C2orf78: variants seen among roughly 807,000 people sequenced by gnomAD.
C2orf78 encodes the protein uncharacterized protein C2orf78.
C2orf78 carries 12 observed loss-of-function variants against 21.4 expected under a neutral mutation model. That is an observed-to-expected ratio of 0.56 (90% CI 0.36 to 0.91). The LOEUF (loss-of-function observed/expected upper bound fraction) is 0.91. Among genes scored for constraint, C2orf78 ranks in the 40% least tolerant of loss-of-function variants. C2orf78 has a pLI of 0.01. For synonymous variants in C2orf78, 396 were observed against 413.9 expected, an observed-to-expected ratio of 0.96 and a Z score of 0.52; for missense variants, 1,042 against 1,092.4, an observed-to-expected ratio of 0.95 and a Z score of 0.65.
At chr2:73,814,136 G>A (rs1287351718) in exon 2 of C2orf78, 9 of 1,611,832 alleles carry the variant, frequency 5.6e-6, no homozygotes, top group Non-Finnish European at 8.5e-7. Context: ...GCTGAAGGAG[G>A]TTCAGCCCAC....
At chr2:73,810,565 T>A (rs1673060481) in intron 1 of C2orf78, among the ~76,000 whole-genome samples, 1 of 141,256 alleles carries the variant, frequency 7.1e-6, no homozygotes, top group Non-Finnish European at 1.5e-5. Flanking sequence ...ATAAAATATA[T>A]ATGTATATTT....
chr2:73,815,584 C>A (rs776474293), exon 3 of C2orf78: 1 of 1,613,854 alleles, frequency 6.2e-7, no homozygotes, highest in Non-Finnish European at 8.5e-7. Flanking sequence ...ACTTACCTCC[C>A]CCCGATCTTC....
intron 1 of C2orf78, among the ~76,000 whole-genome samples, chr2:73,809,992 TAAA>T (rs1464420084): frequency 6.6e-6 from 1 of 150,732 alleles, no homozygotes. Context: ...GATTTTAAAA[TAAA>T]AAAATATATT....
At chr2:73,814,906 G>A (rs963580558) in intron 2 of C2orf78, among the ~76,000 whole-genome samples, 165 bp from the exon 3 acceptor site, 1 of 152,188 alleles carries the variant, frequency 6.6e-6, no homozygotes, top group African/African-American at 2.4e-5. Context: ...ACCAGTAAGA[G>A]AACAGTCACT....
intron 1 of C2orf78, among the ~76,000 whole-genome samples, chr2:73,786,076 T>C (rs1672924507): frequency 1.3e-5 from 2 of 151,310 alleles, no homozygotes; most frequent in Admixed American, 6.6e-5. Context: ...GAGAGAAATA[T>C]GTTTTAGAAA....
chr2:73,816,327 T>C (rs1189408044), exon 3 of C2orf78: 1 of 1,613,162 alleles, frequency 6.2e-7, no homozygotes, highest in Non-Finnish European at 8.5e-7. Flanking sequence ...TGAAAAAGAG[T>C]GTACATCTCC....
Position 73,816,195 on chromosome 2 carries a change from A to AG in C2orf78, c.1973dup (p.Ser658ArgfsTer23). 1 of 1,613,948 alleles carries AG rather than the reference A, an allele frequency of 6.2e-7. No homozygotes were observed. Among genetic ancestry groups the AG allele is most frequent in the Non-Finnish European group, 8.5e-7 (1 of 1,179,882 alleles). ...ATTCTCTTCCTCCAGGACCCTGGGA[A>AG]GCTCAAGCAACACCCAAAACCGCCA... On this transcript the variant is annotated frameshift_variant, in exon 3 of 3. Transcript: ENST00000409561. LOFTEE classifies it low-confidence loss of function (END_TRUNC).
At chr2:73,809,973 T>C (rs1673042991) in intron 1 of C2orf78, among the ~76,000 whole-genome samples, 1 of 151,412 alleles carries the variant, frequency 6.6e-6, no homozygotes. Flanking sequence ...CCCTGGAGAA[T>C]GACGAAATGA....
exon 3 of C2orf78, chr2:73,816,482 A>C: frequency 6.2e-7 from 1 of 1,613,860 alleles, no homozygotes. Flanking sequence ...ACCCTGCTCG[A>C]CCTGATTCTA....
chr2:73,813,561 C>A (rs1214863596), exon 2 of C2orf78: 2 of 1,613,896 alleles, frequency 1.2e-6, no homozygotes, highest in East Asian at 2.2e-5. Flanking sequence ...GCTTTCTTAA[C>A]AGGAAGCATC....
In C2orf78 at chr2:73,809,090, C is replaced by G. The variant is rs190657224; in HGVS notation, c.98-4387C>G. 4.0e-3 allele frequency among the ~76,000 whole-genome samples: 612 copies of G among 152,228 alleles called. 3 individuals are homozygous for G. Among genetic ancestry groups the G allele is most frequent in the African/African-American group, 0.014 (572 of 41,516 alleles). ...TGTGACTTTAGATAACTTTTATTCT[C>G]TCACAAAATCTGTTTCCTCATCTAT... On this transcript the variant is annotated intron_variant, in intron 1 of 2. Transcript: ENST00000409561.
exon 3 of C2orf78, chr2:73,815,572 A>T (rs772028722): frequency 6.2e-7 from 1 of 1,613,972 alleles, no homozygotes; most frequent in East Asian, 2.2e-5. Context: ...TGGGTGGAGG[A>T]TACTTACCTC....
exon 3 of C2orf78, chr2:73,815,271 C>G: frequency 6.2e-7 from 1 of 1,613,976 alleles, no homozygotes. Flanking sequence ...GACACTGTCT[C>G]CAGCTCCAAG....
intron 1 of C2orf78, among the ~76,000 whole-genome samples, chr2:73,811,824 C>T (rs1673096139): frequency 6.6e-6 from 1 of 151,890 alleles, no homozygotes; most frequent in African/African-American, 2.4e-5. Context: ...GAGTTCTTTT[C>T]TGCTTGTTAT....
intron 1 of C2orf78, 115 bp from the exon 2 acceptor site, chr2:73,813,362 G>A: frequency 2.8e-6 from 3 of 1,070,514 alleles, no homozygotes; most frequent in South Asian, 3.4e-5. Context: ...ATCTCAGTGA[G>A]TATTGGTATT....
intron 1 of C2orf78, among the ~76,000 whole-genome samples, chr2:73,809,668 T>G (rs1020587319): frequency 3.3e-5 from 5 of 152,114 alleles, no homozygotes; most frequent in Admixed American, 1.3e-4. Context: ...TGCCAGCTAC[T>G]CAGGAAGCTG....
exon 3 of C2orf78, chr2:73,816,881 TCAA>T: frequency 6.2e-7 from 1 of 1,613,848 alleles, no homozygotes; most frequent in African/African-American, 1.3e-5. Flanking sequence ...AGAGAAAGGC[TCAA>T]CAAGAGCGTG....
exon 3 of C2orf78, chr2:73,816,088 C>T: frequency 6.2e-7 from 1 of 1,613,746 alleles, no homozygotes; most frequent in Non-Finnish European, 8.5e-7. Flanking sequence ...CTTAAAAAGC[C>T]CCGAAGCTCC....
rs1050269933 is a variant in C2orf78 at position 73,784,210 on chromosome 2, G to T, written c.-100G>T. Reference sequence around the variant, plus strand: ...TCTCCCACCAAACCGACCACCACCTGGTAGCATCTTGGGGTTTCCTGGGCG... The same window carrying T: ...TCTCCCACCAAACCGACCACCACCTTGTAGCATCTTGGGGTTTCCTGGGCG... On this transcript the variant is annotated 5_prime_UTR_variant, in exon 1 of 3. Transcript: ENST00000409561. 2.0e-6 allele frequency: 3 copies of T among 1,512,296 alleles called. No homozygotes were observed. The African/African-American group carries it at 4.2e-5, about 21-fold the overall frequency. The allele number at this position is 1,512,296 out of a possible 1,614,324, so 93.7% of individuals were successfully genotyped here.
Sources: allele counts gnomAD v4.1 joint callset (sites outside exome capture counted in the v4.1 genomes callset), GRCh38; gene constraint gnomAD v4.1.1; transcripts MANE v1.5; gene names NCBI Gene and HGNC (gene_info 2026-07-23, HGNC 2026-07-21).